NREP: variants seen among roughly 807,000 people sequenced by gnomAD.
NREP encodes neuronal regeneration related protein.
Under a neutral mutation model 8.6 loss-of-function variants are expected in NREP, and 5 were observed. That is an observed-to-expected ratio of 0.58 (90% CI 0.30 to 1.22). The LOEUF is 1.22. Among genes scored for constraint, NREP ranks in the 50% most tolerant of loss-of-function variants. NREP has a pLI of 0.07. For synonymous variants in NREP, 27 were observed against 28.0 expected (o/e 0.96, Z 0.11); for missense variants, 86 against 82.5 (o/e 1.04, Z -0.17).
chr5:111,818,537 A>C (rs2112921821), intron 2 of NREP, among the ~76,000 whole-genome samples: 1 of 152,334 alleles, frequency 6.6e-6, no homozygotes, highest in South Asian at 2.1e-4. Flanking sequence ...GATTAAGGCT[A>C]TGATTTGCTG....
At chr5:111,762,059 CATGAGTAAAT>C (rs1235529843), upstream of NREP, among the ~76,000 whole-genome samples, 1 of 151,828 alleles carries the variant, frequency 6.6e-6, no homozygotes, top group Non-Finnish European at 1.5e-5. Context: ...GAGTAATTCA[CATGAGTAAAT>C]ATGAATGGCC....
intron 2 of NREP, among the ~76,000 whole-genome samples, chr5:111,843,219 TTTC>T (rs1422392790): frequency 5.3e-5 from 8 of 151,980 alleles, no homozygotes; most frequent in African/African-American, 1.4e-4. Context: ...TCCCATAAGT[TTTC>T]TTCACTTTTT....
chr5:111,966,147 G>C (rs1027978963), intron 2 of NREP, among the ~76,000 whole-genome samples: 1 of 152,184 alleles, frequency 6.6e-6, no homozygotes, highest in African/African-American at 2.4e-5. Flanking sequence ...GCTTATCAAA[G>C]AGAAAAGAAG....
At chr5:111,958,530 C>T (rs1756391140) in intron 2 of NREP, among the ~76,000 whole-genome samples, 1 of 151,872 alleles carries the variant, frequency 6.6e-6, no homozygotes, top group Non-Finnish European at 1.5e-5. Context: ...CTTATTTTTA[C>T]ACTTAATAGC....
At chr5:111,731,413 G>GTGTC (rs1748554179) in intron 3 of NREP, among the ~76,000 whole-genome samples, 1 of 123,350 alleles carries the variant, frequency 8.1e-6, no homozygotes, top group African/African-American at 3.2e-5. Flanking sequence ...ACTCACAGGA[G>GTGTC]TGTCAGTTGA....
At chr5:111,861,731 A>G (rs1377416422) in intron 2 of NREP, among the ~76,000 whole-genome samples, 1 of 152,180 alleles carries the variant, frequency 6.6e-6, no homozygotes, top group Non-Finnish European at 1.5e-5. Flanking sequence ...ATGACCAATA[A>G]CAATAGCTTG....
At chr5:111,800,925 T>C (rs970210911) in intron 2 of NREP, among the ~76,000 whole-genome samples, 10 of 152,150 alleles carry the variant, frequency 6.6e-5, no homozygotes, top group African/African-American at 2.4e-4. Flanking sequence ...ATATAGTTCA[T>C]CCTAAATTCA....
At chr5:111,963,608 G>A (rs1001335363) in intron 2 of NREP, among the ~76,000 whole-genome samples, 7 of 152,172 alleles carry the variant, frequency 4.6e-5, no homozygotes, top group African/African-American at 1.7e-4. Flanking sequence ...ATTTACTGCA[G>A]AAGTTTCTGT....
intron 2 of NREP, among the ~76,000 whole-genome samples, chr5:111,969,802 T>G (rs541654630): frequency 3.3e-5 from 5 of 152,156 alleles, no homozygotes; most frequent in Admixed American, 6.5e-5. Flanking sequence ...ATTTTAAACC[T>G]TGAGATTCTA....
chr5:111,972,655 C>T (rs1053485402), intron 2 of NREP, among the ~76,000 whole-genome samples: 1 of 152,208 alleles, frequency 6.6e-6, no homozygotes, highest in African/African-American at 2.4e-5. Context: ...GGTCCCAGTG[C>T]TGCCCCCACG....
At chr5:111,813,042 T>C (rs1752304547) in intron 2 of NREP, among the ~76,000 whole-genome samples, 1 of 152,196 alleles carries the variant, frequency 6.6e-6, no homozygotes, top group Non-Finnish European at 1.5e-5. Flanking sequence ...GATTTTATCT[T>C]ATAGGTACCC....
At chr5:111,758,070 C>T (rs1750848952), upstream of NREP, 2 of 985,462 alleles carry the variant, frequency 2.0e-6, no homozygotes, top group Non-Finnish European at 2.4e-6. Context: ...CTCAGACACA[C>T]AAAGAGTCCG....
At position 111,931,268 on chromosome 5, in the gene NREP, C is replaced by T. The variant is rs143427765; in HGVS notation, c.135+44006G>A. Among the ~76,000 whole-genome samples the T allele has an allele frequency of 4.4e-3, 665 of 152,030 alleles. 4 individuals carry two copies. Among genetic ancestry groups the T allele is most frequent in the African/African-American group, 0.015 (632 of 41,494 alleles). On this transcript the variant is annotated intron_variant, in intron 2 of 3. Coordinates refer to the NREP transcript ENST00000395634. ...GATTGAGTGACTCACTTCTCACAAG[C>T]AGAATAAAGTAGAAGTGATGGTATG... is the stretch of plus-strand genomic sequence containing the variant.
chr5:111,879,952 T>C lies in NREP; in HGVS notation c.135+95322A>G, dbSNP rs189476974. 2.0e-5 allele frequency among the ~76,000 whole-genome samples: 3 copies of C among 152,320 alleles called. No individual in the cohort carries two copies. The East Asian group carries it at 5.8e-4, about 29-fold the overall frequency. On this transcript the variant is annotated intron_variant, in intron 2 of 3. Coordinates refer to the NREP transcript ENST00000395634. ...TACCTCCCAAAGGTCAGTCTCCAAA[T>C]ATCATCACCTTAAGGGCTGGGGCTT...
chr5:111,859,763 G>T (rs927991096), intron 2 of NREP, among the ~76,000 whole-genome samples: 2 of 151,968 alleles, frequency 1.3e-5, no homozygotes, highest in Non-Finnish European at 2.9e-5. Flanking sequence ...CCATCCCACA[G>T]GCAACTTTAT....
intron 2 of NREP, chr5:111,974,250 T>G (rs932670369): frequency 1.2e-4 from 18 of 152,206 alleles, no homozygotes; most frequent in African/African-American, 3.4e-4. Flanking sequence ...AGAGGTGGGC[T>G]TGCATCCAAG....
chr5:111,742,523 CTGAG>C (rs1262705560), intron 2 of NREP, among the ~76,000 whole-genome samples: 4 of 152,044 alleles, frequency 2.6e-5, no homozygotes, highest in African/African-American at 4.8e-5. Flanking sequence ...TGTTTGGCTG[CTGAG>C]TGTTTTAAAA....
upstream of NREP, among the ~76,000 whole-genome samples, chr5:111,762,127 G>A (rs988075901): frequency 2.6e-5 from 4 of 152,124 alleles, no homozygotes; most frequent in African/African-American, 7.2e-5. Flanking sequence ...AAGGAGTCAA[G>A]TTGCATTATG....
At chr5:111,886,728 A>G (rs1754259288) in intron 2 of NREP, among the ~76,000 whole-genome samples, 2 of 151,390 alleles carry the variant, frequency 1.3e-5, no homozygotes, top group Non-Finnish European at 2.9e-5. Flanking sequence ...AAGAACAAAA[A>G]ACCAAACACC....
Sources: gnomAD v4.1 joint callset for allele counts (sites outside exome capture counted in the v4.1 genomes callset) on GRCh38, gnomAD v4.1.1 for gene constraint, MANE v1.5 for transcripts, NCBI Gene and HGNC (gene_info 2026-07-23, HGNC 2026-07-21) for gene names.